Variants in CCBE1 observed in about 807,000 individuals in gnomAD.
The protein encoded by CCBE1 is collagen and calcium-binding EGF domain-containing protein 1.
Under a neutral mutation model 50.0 loss-of-function variants are expected in CCBE1, and 37 were observed. That is an observed-to-expected ratio of 0.74 (90% CI 0.57 to 0.97). CCBE1 has a LOEUF of 0.97. CCBE1 is among the 50% of genes least tolerant of loss of function. The pLI is 0.00. For synonymous variants in CCBE1, 234 were observed against 203.7 expected (o/e 1.15, Z -1.27); for missense variants, 538 against 523.8 (o/e 1.03, Z -0.26).
intron 2 of CCBE1, among the ~76,000 whole-genome samples, chr18:59,575,291 A>G (rs2052977699): frequency 6.6e-6 from 1 of 152,090 alleles, no homozygotes; most frequent in South Asian, 2.1e-4. Context: ...ACTCCTACCT[A>G]CCACAGAATT....
At chr18:59,522,853 G>A (rs573236562) in intron 2 of CCBE1, among the ~76,000 whole-genome samples, 5 of 151,942 alleles carry the variant, frequency 3.3e-5, no homozygotes, top group East Asian at 1.9e-4. Flanking sequence ...TTAGCCGGGC[G>A]TGGTGGCGGG....
intron 2 of CCBE1, among the ~76,000 whole-genome samples, chr18:59,566,967 T>C (rs545449602): frequency 2.3e-4 from 35 of 152,342 alleles, no homozygotes; most frequent in African/African-American, 7.9e-4. Flanking sequence ...ACGAGCCTCA[T>C]AAAGCTACCA....
At chr18:59,470,662 G>T (rs1911989124) in intron 3 of CCBE1, among the ~76,000 whole-genome samples, 1 of 152,148 alleles carries the variant, frequency 6.6e-6, no homozygotes, top group Non-Finnish European at 1.5e-5. Context: ...GAACTGATAT[G>T]TAATGAGCCT....
At chr18:59,546,766 CAT>C (rs945304777) in intron 2 of CCBE1, among the ~76,000 whole-genome samples, 4 of 152,072 alleles carry the variant, frequency 2.6e-5, no homozygotes, top group African/African-American at 9.7e-5. Context: ...GCAAAAGTGA[CAT>C]AGTCAAATAT....
intron 2 of CCBE1, among the ~76,000 whole-genome samples, chr18:59,640,048 T>C (rs2053965949): frequency 6.6e-6 from 1 of 152,190 alleles, no homozygotes; most frequent in South Asian, 2.1e-4. Context: ...ATCATTAAAA[T>C]GGCCATACTC....
At chr18:59,518,486 ATTGT>A (rs906396622) in intron 2 of CCBE1, among the ~76,000 whole-genome samples, 14 of 152,306 alleles carry the variant, frequency 9.2e-5, no homozygotes, top group African/African-American at 3.4e-4. Context: ...TTCTAAATCA[ATTGT>A]TTGTTAATGG....
intron 2 of CCBE1, among the ~76,000 whole-genome samples, chr18:59,531,801 G>A (rs573986280): frequency 6.6e-6 from 1 of 152,252 alleles, no homozygotes; most frequent in South Asian, 2.1e-4. Flanking sequence ...CTCAACTGTA[G>A]GGGATTCTAG....
intron 2 of CCBE1, among the ~76,000 whole-genome samples, chr18:59,689,343 A>C (rs1390143457): frequency 6.6e-6 from 1 of 152,228 alleles, no homozygotes; most frequent in Non-Finnish European, 1.5e-5. Context: ...TCTAGAACGG[A>C]TGTGGTCCCA....
At chr18:59,512,916 G>A (rs966672097) in intron 2 of CCBE1, among the ~76,000 whole-genome samples, 10 of 152,174 alleles carry the variant, frequency 6.6e-5, no homozygotes, top group Admixed American at 1.3e-4. Context: ...ACCTGGGCAG[G>A]AGACATCAGA....
chr18:59,441,364 G>A (rs1910413008), intron 7 of CCBE1, among the ~76,000 whole-genome samples: 1 of 151,736 alleles, frequency 6.6e-6, no homozygotes, highest in Non-Finnish European at 1.5e-5. Context: ...ACAAAAATTA[G>A]TCAGGTGTGG....
At chr18:59,603,857 G>A (rs554372428) in intron 2 of CCBE1, among the ~76,000 whole-genome samples, 1 of 152,282 alleles carries the variant, frequency 6.6e-6, no homozygotes, top group South Asian at 2.1e-4. Flanking sequence ...TGTTGGAGGT[G>A]GACATCTGAA....
chr18:59,646,408 C>T (rs2054055770), intron 2 of CCBE1, among the ~76,000 whole-genome samples: 1 of 152,104 alleles, frequency 6.6e-6, no homozygotes, highest in Non-Finnish European at 1.5e-5. Context: ...GTGGATGGCC[C>T]AGAACTAGCT....
intron 4 of CCBE1, among the ~76,000 whole-genome samples, chr18:59,468,253 C>T (rs1479234461): frequency 2.6e-5 from 4 of 152,094 alleles, no homozygotes; most frequent in East Asian, 1.9e-4. Context: ...GGTGTAGTGG[C>T]GCATGCCTGT....
At position 59,546,273 on chromosome 18, in the gene CCBE1, C is replaced by G. The variant is rs1381852103; in HGVS notation, c.213-66035G>C. Among the ~76,000 whole-genome samples, 3 of 152,194 alleles carry G rather than the reference C, an allele frequency of 2.0e-5. No individual in the cohort carries two copies. In the South Asian group the frequency reaches 6.2e-4, roughly 32 times the overall value. ...GAGTCATCCCCATTTCATCAATAAA[C>G]TGCCTGTTCGTATCTGTAGTAGACT... On this transcript the variant is annotated intron_variant, in intron 2 of 10. Transcript: ENST00000439986.
chr18:59,678,949 A>C (rs2144725497), intron 2 of CCBE1, among the ~76,000 whole-genome samples: 1 of 152,354 alleles, frequency 6.6e-6, no homozygotes, highest in South Asian at 2.1e-4. Flanking sequence ...TCTAAACATA[A>C]AAGTAAAATA....
chr18:59,686,376 C>T (rs190193241), intron 2 of CCBE1, among the ~76,000 whole-genome samples: 204 of 152,334 alleles, frequency 1.3e-3, no homozygotes, highest in African/African-American at 4.8e-3. Context: ...AATTGTCAGG[C>T]CATCAAAAGC....
intron 2 of CCBE1, among the ~76,000 whole-genome samples, chr18:59,537,483 A>T (rs1222949453): frequency 6.6e-6 from 1 of 152,206 alleles, no homozygotes; most frequent in Non-Finnish European, 1.5e-5. Context: ...TATAAGAGGA[A>T]AACCCTTTCG....
At chr18:59,646,488 C>A (rs189727778) in intron 2 of CCBE1, among the ~76,000 whole-genome samples, 1 of 152,220 alleles carries the variant, frequency 6.6e-6, no homozygotes, top group East Asian at 1.9e-4. Flanking sequence ...TGGTGAGAGA[C>A]GGATGAGGGT....
rs2054808582 is a variant in CCBE1, at chr18:59,696,667, CG to C, written c.173del (p.Pro58ArgfsTer3). 6.2e-7 allele frequency: 1 copy of C among 1,613,954 alleles called. No individual in the cohort carries two copies. Among genetic ancestry groups the C allele is most frequent in the Non-Finnish European group, 8.5e-7 (1 of 1,179,962 alleles). On this transcript the variant is annotated frameshift_variant, in exon 2 of 11. Transcript: ENST00000439986. LOFTEE classifies it high-confidence loss of function. Reference sequence around the variant, plus strand: ...TGAGCTCGCCTGAAGACTTCAGACACGGGTATTTAGTCGTCGCGATTTTGCT... The same window carrying C: ...TGAGCTCGCCTGAAGACTTCAGACACGGTATTTAGTCGTCGCGATTTTGCT... ...SESKIATTKY[P>X]CLKSSGELTT...
Sources: gnomAD v4.1 joint callset for allele counts (sites outside exome capture counted in the v4.1 genomes callset) on GRCh38, gnomAD v4.1.1 for gene constraint, MANE v1.5 for transcripts, NCBI Gene and HGNC (gene_info 2026-07-23, HGNC 2026-07-21) for gene names.